RORB: variants seen among roughly 807,000 people sequenced by gnomAD.
The protein encoded by RORB is nuclear receptor ROR-beta.
RORB carries 6 observed loss-of-function variants against 59.1 expected under a neutral mutation model. The observed-to-expected ratio is 0.10, with a 90% CI of 0.06 to 0.20. RORB has a LOEUF of 0.20. Among genes scored for constraint, RORB ranks in the 10% least tolerant of loss-of-function variants. The pLI is 1.00. For missense variants in RORB, 320 were observed against 560.5 expected (o/e 0.57, Z 4.33); for synonymous variants, 215 against 204.5 (o/e 1.05, Z -0.44).
intron 9 of RORB, among the ~76,000 whole-genome samples, chr9:74,682,222 A>G (rs1824558265): frequency 7.2e-6 from 1 of 138,786 alleles, no homozygotes; most frequent in Admixed American, 8.0e-5. Flanking sequence ...GTCATCTGAC[A>G]GATAAGAATG....
chr9:74,529,774 G>A (rs1826208191), intron 1 of RORB, among the ~76,000 whole-genome samples: 1 of 151,670 alleles, frequency 6.6e-6, no homozygotes, highest in African/African-American at 2.4e-5. Context: ...CTAGCTCCCT[G>A]GTTTCTGTCC....
rs374556016 is a variant in RORB at position 74,541,279 on chromosome 9, C to CAAAA, written c.7+43320_7+43323dup. Among the ~76,000 whole-genome samples, 422 of 43,498 alleles carry CAAAA rather than the reference C, an allele frequency of 9.7e-3. 40 individuals are homozygous for CAAAA. Among genetic ancestry groups the CAAAA allele is most frequent in the South Asian group, 0.028 (25 of 902 alleles). 28.5% of individuals were successfully genotyped at this position (43,498 alleles called of 152,430 possible). A position where few individuals can be genotyped will look rare whatever the true frequency, so the allele number is the denominator to read the frequency against. The stretch of plus-strand genomic sequence containing the variant: ...TGGGCAACAGAAAGAGACTCCATCT[C>CAAAA]AAAAAAAAAAAAAAAAAAAAAAAAA... On this transcript the variant is annotated intron_variant, in intron 1 of 9. Transcript: ENST00000376896.
At chr9:74,678,077 A>G (rs1347314110) in intron 9 of RORB, among the ~76,000 whole-genome samples, 1 of 152,228 alleles carries the variant, frequency 6.6e-6, no homozygotes, top group African/African-American at 2.4e-5. Context: ...AGCATTTACT[A>G]TGGGCCAGGC....
intron 1 of RORB, among the ~76,000 whole-genome samples, chr9:74,562,764 A>C (rs541202620): frequency 6.6e-6 from 1 of 152,306 alleles, no homozygotes; most frequent in East Asian, 1.9e-4. Context: ...CTCTTTTTAA[A>C]TGTTTCTTAT....
At chr9:74,588,689 C>T (rs1822843028) in intron 1 of RORB, among the ~76,000 whole-genome samples, 1 of 152,030 alleles carries the variant, frequency 6.6e-6, no homozygotes, top group Non-Finnish European at 1.5e-5. Context: ...CTTTTTGGGC[C>T]ATTAGTACAT....
At chr9:74,517,115 T>C (rs1490958053) in intron 1 of RORB, among the ~76,000 whole-genome samples, 1 of 152,018 alleles carries the variant, frequency 6.6e-6, no homozygotes, top group African/African-American at 2.4e-5. Flanking sequence ...CTAAAAAATA[T>C]GCTTTCTATT....
intron 1 of RORB, among the ~76,000 whole-genome samples, chr9:74,532,617 C>T (rs1211032283): frequency 1.3e-5 from 2 of 151,184 alleles, no homozygotes; most frequent in Non-Finnish European, 3.0e-5. Context: ...ATTCCATGAG[C>T]TAAAAATGGC....
At chr9:74,675,751 G>A (rs1256797032) in intron 9 of RORB, among the ~76,000 whole-genome samples, 1 of 152,178 alleles carries the variant, frequency 6.6e-6, no homozygotes, top group African/African-American at 2.4e-5. Context: ...TCTTCCAGGA[G>A]GAGCTCCATG....
intron 1 of RORB, among the ~76,000 whole-genome samples, chr9:74,567,577 A>G (rs1822487722): frequency 6.6e-6 from 1 of 152,168 alleles, no homozygotes; most frequent in Non-Finnish European, 1.5e-5. Flanking sequence ...GTAGGGGGAA[A>G]TGAGGGTCTC....
Position 74,503,502 on chromosome 9 carries a change from A to G in RORB, c.7+5519A>G, listed in dbSNP as rs548194994. ...GAGAAACAGAGCAACTTTCCAGAGC[A>G]TTCAAAGGGAAGATATGAATACACG... On this transcript the variant is annotated intron_variant, in intron 1 of 9. Transcript: ENST00000376896. Among the ~76,000 whole-genome samples, 6 of 152,202 alleles carry G rather than the reference A, an allele frequency of 3.9e-5. No individual in the cohort carries two copies. The East Asian group carries it at 1.2e-3, about 29-fold the overall frequency.
chr9:74,645,329 T>C (rs1465546221), intron 4 of RORB, among the ~76,000 whole-genome samples: 1 of 152,196 alleles, frequency 6.6e-6, no homozygotes, highest in African/African-American at 2.4e-5. Context: ...CTCATTTCAC[T>C]AAAATATTAA....
intron 1 of RORB, among the ~76,000 whole-genome samples, chr9:74,545,253 T>A (rs1826470724): frequency 6.6e-6 from 1 of 152,098 alleles, no homozygotes; most frequent in African/African-American, 2.4e-5. Context: ...TCAAAAGAGA[T>A]CTTCTGGTAC....
chr9:74,620,259 G>C lies in RORB; in HGVS notation c.8-10023G>C, dbSNP rs556987756. 2.6e-5 allele frequency among the ~76,000 whole-genome samples: 4 copies of C among 152,272 alleles called. No homozygotes were observed. In the South Asian group the frequency reaches 8.3e-4, roughly 32 times the overall value. ...TATTCAGGAATTCAACTTCTTCCTG[G>C]TTTAGTCTTGGGAGGGTGTATGTGT... On this transcript the variant is annotated intron_variant, in intron 1 of 9. Transcript: ENST00000376896.
chr9:74,679,078 C>A (rs60042902), intron 9 of RORB, among the ~76,000 whole-genome samples: 8,692 of 148,222 alleles, frequency 0.059, 451 homozygotes, highest in East Asian at 0.29. Flanking sequence ...AACAAAAAAA[C>A]CAACCAAACA....
chr9:74,556,109 A>C (rs1247858557), intron 1 of RORB, among the ~76,000 whole-genome samples: 1 of 152,232 alleles, frequency 6.6e-6, no homozygotes, highest in Non-Finnish European at 1.5e-5. Context: ...TTTGATGCTG[A>C]TATAACATAA....
intron 1 of RORB, among the ~76,000 whole-genome samples, chr9:74,595,311 C>T (rs1479623804): frequency 6.6e-6 from 1 of 152,194 alleles, no homozygotes; most frequent in Admixed American, 6.5e-5. Context: ...AAGCTCATGG[C>T]TCACCAAAAG....
intron 1 of RORB, among the ~76,000 whole-genome samples, chr9:74,518,384 A>G (rs1826038885): frequency 6.6e-6 from 1 of 152,010 alleles, no homozygotes; most frequent in South Asian, 2.1e-4. Flanking sequence ...TGACCCTAAG[A>G]CAACCTGAAT....
intron 1 of RORB, among the ~76,000 whole-genome samples, chr9:74,588,732 C>A (rs534256854): frequency 6.6e-6 from 1 of 152,256 alleles, no homozygotes; most frequent in South Asian, 2.1e-4. Flanking sequence ...AGTACTGGAG[C>A]TTTTAAGCTA....
At chr9:74,534,636 C>T (rs1210777049) in intron 1 of RORB, among the ~76,000 whole-genome samples, 1 of 151,828 alleles carries the variant, frequency 6.6e-6, no homozygotes, top group Non-Finnish European at 1.5e-5. Context: ...GCCTGTCCAC[C>T]CATACACCCT....
Sources: allele counts gnomAD v4.1 joint callset (sites outside exome capture counted in the v4.1 genomes callset), GRCh38; gene constraint gnomAD v4.1.1; transcripts MANE v1.5; gene names NCBI Gene and HGNC (gene_info 2026-07-23, HGNC 2026-07-21).